MYH11: variants seen among roughly 807,000 people sequenced by gnomAD.
MYH11 encodes the protein myosin-11.
Under a neutral mutation model 246.6 loss-of-function variants are expected in MYH11, and 80 were observed. The observed-to-expected ratio is 0.32, with a 90% confidence interval of 0.27 to 0.39. MYH11 has a LOEUF of 0.39. MYH11 is among the 10% of genes least tolerant of loss of function. The pLI is 1.00. For synonymous variants in MYH11, 1,071 were observed against 1,015.5 expected (o/e 1.05, Z -1.04); for missense variants, 2,158 against 2,546.8 (o/e 0.85, Z 3.29).
At chr16:15,819,309 T>C (rs2043342791) in intron 3 of MYH11, among the ~76,000 whole-genome samples, 1 of 152,228 alleles carries the variant, frequency 6.6e-6, no homozygotes, top group Admixed American at 6.5e-5. Context: ...AGGGTGTCCT[T>C]GTCAATTACA....
At chr16:15,791,100 T>C (rs1417073271) in intron 4 of MYH11, 1 of 151,586 alleles carries the variant, frequency 6.6e-6, no homozygotes, top group African/African-American at 2.4e-5. Flanking sequence ...GAACTACAGG[T>C]GCCCGCCACT....
chr16:15,733,289 G>A (rs11866156), intron 26 of MYH11, among the ~76,000 whole-genome samples: 16,485 of 152,124 alleles, frequency 0.11, 2,273 homozygotes, highest in African/African-American at 0.32. Context: ...GCTGGAGTGC[G>A]ACAGCGCAAT....
At chr16:15,719,907 G>C (rs908367750) in intron 34 of MYH11, among the ~76,000 whole-genome samples, 194 bp from the exon 35 acceptor site, 4 of 152,154 alleles carry the variant, frequency 2.6e-5, no homozygotes, top group Non-Finnish European at 5.9e-5. Context: ...GGGCTCCACA[G>C]ACCTGCCTGA....
chr16:15,819,823 G>C (rs2043358232), intron 3 of MYH11, among the ~76,000 whole-genome samples: 1 of 152,188 alleles, frequency 6.6e-6, no homozygotes, highest in South Asian at 2.1e-4. Flanking sequence ...GTTGGGGACT[G>C]CTGGTCTAGG....
chr16:15,719,984 G>A (rs1396702520), intron 34 of MYH11, among the ~76,000 whole-genome samples, 167 bp downstream of exon 34: 1 of 152,144 alleles, frequency 6.6e-6, no homozygotes, highest in East Asian at 1.9e-4. Context: ...CCTACCCAGG[G>A]CAGGAGACAG....
At chr16:15,731,738 C>T (rs2040967678) in intron 27 of MYH11, among the ~76,000 whole-genome samples, 1 of 151,872 alleles carries the variant, frequency 6.6e-6, no homozygotes. Flanking sequence ...AGTGATTTGC[C>T]CGCCTTGCCT....
At chr16:15,784,778 CAG>C in intron 5 of MYH11, 1 of 1,597,464 alleles carries the variant, frequency 6.3e-7, no homozygotes, top group Non-Finnish European at 8.6e-7. Context: ...ACATGGACAT[CAG>C]GGGCTGGAGA....
chr16:15,714,872 TGA>T (rs769324622), intron 40 of MYH11, 35 bp downstream of exon 40: 2 of 1,611,560 alleles, frequency 1.2e-6, no homozygotes, highest in South Asian at 1.1e-5. Context: ...TTCTCTGGCC[TGA>T]GAGACGGGGT....
intron 31 of MYH11, 160 bp from the exon 32 acceptor site, chr16:15,721,794 TTC>T (rs1476498615): frequency 2.8e-6 from 2 of 715,388 alleles, no homozygotes; most frequent in African/African-American, 3.6e-5. Context: ...TCATCTGGCG[TTC>T]TGACTTCTAC....
chr16:15,717,243 G>A lies in MYH11; in HGVS notation c.5401C>T (p.Leu1801Phe). ...TTGACGGCCCCCTCCATCTCGTGGAGCTTGCTCCGGAGCTCCTTGTTCTGC... is the reference window on the plus strand; with the variant it reads ...TTGACGGCCCCCTCCATCTCGTGGAACTTGCTCCGGAGCTCCTTGTTCTGC... Reference protein sequence around the residue: ...ERQNKELRSKLHEMEGAVKSK... With the variant: ...ERQNKELRSKFHEMEGAVKSK... Residue 1801 changes from leucine to phenylalanine, a missense_variant, in exon 38 of 41, where the codon CTC (leucine) becomes TTC (phenylalanine). Around this residue, in one of 11 missense-constraint regions of MYH11, gnomAD observed 1,013 missense variants for 993.5 expected, o/e 1.02. Coordinates refer to ENST00000300036, the MANE Select transcript of MYH11 (RefSeq NM_002474.3). 1 of 1,614,188 alleles carries A rather than the reference G, an allele frequency of 6.2e-7. No homozygotes were observed. Among genetic ancestry groups the A allele is most frequent in the Non-Finnish European group, 8.5e-7 (1 of 1,180,044 alleles).
At chr16:15,729,677 A>C (rs1042993835) in intron 27 of MYH11, among the ~76,000 whole-genome samples, 1 of 152,006 alleles carries the variant, frequency 6.6e-6, no homozygotes, top group African/African-American at 2.4e-5. Flanking sequence ...CAGCCTCCCA[A>C]GTAGCTGGGA....
intron 2 of MYH11, among the ~76,000 whole-genome samples, chr16:15,825,737 CA>C (rs2043545958): frequency 6.6e-6 from 1 of 152,058 alleles, no homozygotes; most frequent in Non-Finnish European, 1.5e-5. Context: ...AGTCAAGGCA[CA>C]AGGCGAGTCC....
chr16:15,730,073 C>A (rs1413803317), intron 27 of MYH11, among the ~76,000 whole-genome samples: 2 of 152,100 alleles, frequency 1.3e-5, no homozygotes. Context: ...GGCAGCTCCC[C>A]ATTCTCTCTC....
At position 15,772,685 on chromosome 16, in the gene MYH11, C is replaced by G. The variant is rs533396491; in HGVS notation, c.890-973G>C. Among the ~76,000 whole-genome samples, 4 of 152,250 alleles carry G rather than the reference C, an allele frequency of 2.6e-5. No homozygotes were observed. In the East Asian group the frequency reaches 7.7e-4, roughly 29 times the overall value. ...GTTCCCCAACCCATAGGCCATAGAC[C>G]AGTACCGGTCCATGTTAGGAACTGG... On this transcript the variant is annotated intron_variant, in intron 8 of 40. Coordinates refer to ENST00000300036, the MANE Select transcript of MYH11 (RefSeq NM_002474.3).
chr16:15,775,340 G>A (rs1006526957), intron 8 of MYH11, among the ~76,000 whole-genome samples: 6 of 152,210 alleles, frequency 3.9e-5, no homozygotes, highest in Non-Finnish European at 8.8e-5. Context: ...TGCACTCACT[G>A]ATTTATGTGT....
chr16:15,717,496 C>A, intron 37 of MYH11, 148 bp from the exon 38 acceptor site: 1 of 776,406 alleles, frequency 1.3e-6, no homozygotes, highest in South Asian at 1.7e-5. Flanking sequence ...TAAAACTCCA[C>A]TCAAGAGCTT....
intron 9 of MYH11, among the ~76,000 whole-genome samples, chr16:15,765,029 T>C (rs953204837): frequency 5.3e-5 from 8 of 152,230 alleles, no homozygotes; most frequent in Non-Finnish European, 1.2e-4. Context: ...CATAAGACCA[T>C]GAGTTTCTGG....
intron 28 of MYH11, 146 bp downstream of exon 28, chr16:15,726,702 A>C (rs2040779072): frequency 1.1e-6 from 1 of 924,964 alleles, no homozygotes; most frequent in Non-Finnish European, 1.7e-6. Flanking sequence ...GAACAGGGAG[A>C]TCATCGCCTC....
intron 1 of MYH11, among the ~76,000 whole-genome samples, chr16:15,847,873 C>G (rs528208302): frequency 6.6e-6 from 1 of 152,306 alleles, no homozygotes; most frequent in African/African-American, 2.4e-5. Context: ...TTTTCCATAG[C>G]ATGCCCCTTG....
Sources: gnomAD v4.1 joint callset for allele counts (sites outside exome capture counted in the v4.1 genomes callset) on GRCh38, gnomAD v4.1.1 for gene constraint, gnomAD v4.1.1 regional missense constraint, MANE v1.5 for transcripts, NCBI Gene and HGNC (gene_info 2026-07-23, HGNC 2026-07-21) for gene names.